The following FBXL17 variants were observed in gnomAD, a reference collection of about 807,000 sequenced individuals.
FBXL17 encodes the protein F-box and leucine rich repeat protein 17.
FBXL17 carries 22 observed loss-of-function variants against 66.2 expected under a neutral mutation model. The observed-to-expected ratio is 0.33, with a 90% CI of 0.24 to 0.47. The LOEUF (loss-of-function observed/expected upper bound fraction) is 0.47. Ranked by LOEUF, FBXL17 falls within the 20% of genes least tolerant of loss-of-function variation. The pLI is 1.00. For missense variants in FBXL17, 878 were observed against 948.2 expected, an observed-to-expected ratio of 0.93 and a Z score of 0.97; for synonymous variants, 474 against 400.5, an observed-to-expected ratio of 1.18 and a Z score of -2.19.
intron 6 of FBXL17, among the ~76,000 whole-genome samples, chr5:108,127,645 TA>T (rs935843035): frequency 6.6e-6 from 1 of 152,080 alleles, no homozygotes; most frequent in Admixed American, 6.6e-5. Flanking sequence ...TGTTTCCAAT[TA>T]AAAAAATCTT....
chr5:108,110,928 C>A (rs889389032), intron 6 of FBXL17, among the ~76,000 whole-genome samples: 6 of 152,124 alleles, frequency 3.9e-5, no homozygotes, highest in African/African-American at 1.4e-4. Context: ...AAACTAGGTA[C>A]TAAGCCTCCC....
chr5:108,226,764 C>T (rs1755118663), intron 4 of FBXL17, among the ~76,000 whole-genome samples: 3 of 152,146 alleles, frequency 2.0e-5, no homozygotes, highest in South Asian at 2.1e-4. Context: ...GTCAGTGTAA[C>T]GGAGAATTGG....
In FBXL17 at chr5:108,381,811, CACACACACGCACACACGG is replaced by C; in HGVS notation, c.-138_-121del. On this transcript the variant is annotated 5_prime_UTR_variant, in exon 1 of 9. Coordinates refer to ENST00000542267, the MANE Select transcript of FBXL17 (RefSeq NM_001163315.3). Reference sequence around the variant, plus strand: ...CCCCGGAGGGGTCGCCCTTCCTGCGCACACACACGCACACACGGGCACACACGCGACGGTGGGGGGTGG... The same window carrying C: ...CCCCGGAGGGGTCGCCCTTCCTGCGCGCACACACGCGACGGTGGGGGGTGG... 8.2e-6 allele frequency: 11 copies of C among 1,335,692 alleles called. No individual in the cohort carries two copies. The highest frequency in any genetic ancestry group is 2.8e-4 in the Middle Eastern group (1 of 3,588). The allele number at this position is 1,335,692 out of a possible 1,614,324, so 82.7% of individuals were successfully genotyped here. A position where few individuals can be genotyped will look rare whatever the true frequency, so the allele number is the denominator to read the frequency against.
intron 7 of FBXL17, among the ~76,000 whole-genome samples, chr5:107,980,664 A>ATATATATATATATATATATT: frequency 3.2e-5 from 2 of 62,056 alleles, no homozygotes; most frequent in African/African-American, 1.0e-4. Flanking sequence ...ATATATATAT[A>ATATATATATATATATATATT]TTTTTTTTTT....
At chr5:108,009,523 A>G (rs534567904) in intron 7 of FBXL17, among the ~76,000 whole-genome samples, 2 of 151,602 alleles carry the variant, frequency 1.3e-5, no homozygotes, top group East Asian at 3.9e-4. Context: ...CGGAGGCTGG[A>G]TCAGCCATGT....
intron 6 of FBXL17, among the ~76,000 whole-genome samples, chr5:108,104,096 C>T (rs1318412872): frequency 1.3e-5 from 2 of 152,050 alleles, no homozygotes; most frequent in Admixed American, 6.6e-5. Flanking sequence ...AGTGCAGTGG[C>T]GCGATCTTGG....
chr5:108,025,835 A>T (rs1393594806), intron 6 of FBXL17, among the ~76,000 whole-genome samples: 1 of 152,270 alleles, frequency 6.6e-6, no homozygotes, highest in Non-Finnish European at 1.5e-5. Flanking sequence ...TCCATGCTGC[A>T]GAAGCTCATC....
rs73216343 is a variant in FBXL17, at chr5:108,365,009, A to G, written c.1117-14T>C. On this transcript the variant is annotated splice_polypyrimidine_tract_variant and intron_variant, in intron 2 of 8. Coordinates refer to ENST00000542267, the MANE Select transcript of FBXL17 (RefSeq NM_001163315.3). ...TTCATCAGTGACCTGTAAGAGAAAA[A>G]GCAATAAATTTAAACTTTTGCTAAA... The G allele has an allele frequency of 3.7e-3, 5,865 of 1,575,400 alleles. 169 individuals are homozygous for G. The African/African-American group carries it at 0.059, about 16-fold the overall frequency.
rs1748074818 is a variant in FBXL17 at position 107,859,832 on chromosome 5, A to G, written c.*1888T>C. On this transcript the variant is annotated 3_prime_UTR_variant, in exon 9 of 9. Transcript: ENST00000542267. ...CTACTATTACTATACATACTGTCTT[A>G]TAAATTAGTTTTGGATTAAAAATCA... The G allele has an allele frequency of 6.6e-6, 1 of 152,178 alleles. No homozygotes were observed. The highest frequency in any genetic ancestry group is 2.1e-4 in the South Asian group (1 of 4,826). 9.4% of individuals were successfully genotyped at this position (152,178 alleles called of 1,614,324 possible).
At chr5:108,073,893 T>C (rs1165025676) in intron 6 of FBXL17, among the ~76,000 whole-genome samples, 1 of 152,170 alleles carries the variant, frequency 6.6e-6, no homozygotes. Flanking sequence ...GTGCCATGCT[T>C]CTACTGCCTG....
intron 6 of FBXL17, among the ~76,000 whole-genome samples, chr5:108,122,767 C>T (rs2149966553): frequency 6.6e-6 from 1 of 152,164 alleles, no homozygotes; most frequent in Middle Eastern, 3.4e-3. Context: ...ACAGAAAATG[C>T]CCACGAGGAA....
chr5:108,299,117 T>C, intron 4 of FBXL17: 2 of 978,992 alleles, frequency 2.0e-6, no homozygotes, highest in South Asian at 9.5e-5. Context: ...ATAACAGCTT[T>C]TTAAATTATT....
At chr5:107,995,975 A>G (rs1753454987) in intron 7 of FBXL17, among the ~76,000 whole-genome samples, 1 of 152,200 alleles carries the variant, frequency 6.6e-6, no homozygotes, top group African/African-American at 2.4e-5. Flanking sequence ...AATACACCTC[A>G]ACAGATCTAT....
intron 7 of FBXL17, among the ~76,000 whole-genome samples, chr5:107,998,949 T>C (rs1340923182): frequency 1.3e-5 from 2 of 152,302 alleles, no homozygotes; most frequent in Admixed American, 1.3e-4. Context: ...TTCTCCACCA[T>C]ACAGTCTAAA....
intron 6 of FBXL17, among the ~76,000 whole-genome samples, chr5:108,170,971 G>T (rs1419898224): frequency 1.3e-5 from 2 of 152,108 alleles, no homozygotes; most frequent in African/African-American, 4.8e-5. Context: ...GAGAAGAAAA[G>T]AACACAGATA....
chr5:108,174,166 A>T (rs1417251538), intron 6 of FBXL17, among the ~76,000 whole-genome samples: 1 of 152,196 alleles, frequency 6.6e-6, no homozygotes, highest in Non-Finnish European at 1.5e-5. Context: ...AGGATTAAAG[A>T]TAACCCTATG....
chr5:108,177,987 A>G, intron 6 of FBXL17, among the ~76,000 whole-genome samples: 1 of 149,708 alleles, frequency 6.7e-6, no homozygotes. Flanking sequence ...GGTTTTAGAA[A>G]GAAGGTCTAA....
Position 108,365,021 on chromosome 5 carries a change from A to C in FBXL17, c.1117-26T>G, listed in dbSNP as rs781583805. 3.9e-6 allele frequency: 6 copies of C among 1,551,880 alleles called. No individual in the cohort carries two copies. In the South Asian group the frequency reaches 7.1e-5, roughly 18 times the overall value. On this transcript the variant is annotated intron_variant, in intron 2 of 8. Transcript: ENST00000542267. ...CTGTAAGAGAAAAAGCAATAAATTT[A>C]AACTTTTGCTAAAAATAAAAACGTA... is the stretch of plus-strand genomic sequence containing the variant.
chr5:108,174,112 T>G (rs973616447), intron 6 of FBXL17, among the ~76,000 whole-genome samples: 4 of 152,166 alleles, frequency 2.6e-5, no homozygotes, highest in Admixed American at 6.5e-5. Flanking sequence ...CAGCAAGCTA[T>G]CATAGCATGA....
Sources: allele counts gnomAD v4.1 joint callset (sites outside exome capture counted in the v4.1 genomes callset), GRCh38; gene constraint gnomAD v4.1.1; transcripts MANE v1.5; gene names NCBI Gene and HGNC (gene_info 2026-07-23, HGNC 2026-07-21).